The following TAF4B variants were observed in gnomAD, a reference collection of about 807,000 sequenced individuals.
The protein encoded by TAF4B is TATA-box binding protein associated factor 4b.
In TAF4B, 38 loss-of-function variants were observed where a neutral mutation model predicts 86.4. That is an observed-to-expected ratio of 0.44 (90% confidence interval 0.34 to 0.58). The LOEUF is 0.58. TAF4B is among the 20% of genes least tolerant of loss of function. The probability of loss-of-function intolerance (pLI) is 0.02; values close to 1 mark genes in which losing one functional copy is unlikely to be tolerated. For synonymous variants in TAF4B, 388 were observed against 391.2 expected, an observed-to-expected ratio of 0.99 and a Z score of 0.10; for missense variants, 988 against 1,027.6, an observed-to-expected ratio of 0.96 and a Z score of 0.53.
At chr18:26,232,003 CAGAGCGCTGATTGGTGCATTTTAT>C (rs915739550) in intron 1 of TAF4B, among the ~76,000 whole-genome samples, 4 of 152,086 alleles carry the variant, frequency 2.6e-5, no homozygotes, top group Admixed American at 1.3e-4. Flanking sequence ...GTGCATTTTA[CAGAGCGCTGATTGGTGCATTTTAT>C]AGAGCGCTGA....
At chr18:26,351,664 A>G (rs954490239) in intron 13 of TAF4B, among the ~76,000 whole-genome samples, 7 of 152,216 alleles carry the variant, frequency 4.6e-5, no homozygotes, top group East Asian at 1.9e-4. Flanking sequence ...ATAATCAGTT[A>G]TAGTTTTAAA....
intron 1 of TAF4B, among the ~76,000 whole-genome samples, chr18:26,243,572 C>T (rs1009654938): frequency 6.6e-6 from 1 of 152,196 alleles, no homozygotes; most frequent in African/African-American, 2.4e-5. Flanking sequence ...TCGTCTGAAG[C>T]CTTCTTCTCT....
chr18:26,352,473 C>G (rs529153075), intron 13 of TAF4B, among the ~76,000 whole-genome samples: 2 of 151,988 alleles, frequency 1.3e-5, no homozygotes, highest in Admixed American at 1.3e-4. Flanking sequence ...GAAAAAAGTT[C>G]CCAGAAGCTG....
At chr18:26,377,608 T>C (rs1244730261) in intron 14 of TAF4B, among the ~76,000 whole-genome samples, 1 of 152,248 alleles carries the variant, frequency 6.6e-6, no homozygotes, top group Non-Finnish European at 1.5e-5. Flanking sequence ...CAAGGAGATT[T>C]AGTTGTTTGC....
intron 14 of TAF4B, among the ~76,000 whole-genome samples, chr18:26,382,333 T>C (rs2144386854): frequency 6.6e-6 from 1 of 152,338 alleles, no homozygotes; most frequent in East Asian, 1.9e-4. Flanking sequence ...GACATGAGGT[T>C]GTCAGCTTGG....
intron 13 of TAF4B, among the ~76,000 whole-genome samples, chr18:26,347,673 C>T (rs185361209): frequency 5.9e-5 from 9 of 152,138 alleles, no homozygotes; most frequent in East Asian, 3.9e-4. Context: ...TGTATACTGC[C>T]GACAGTAAAT....
chr18:26,239,507 A>G (rs575419791), intron 1 of TAF4B, among the ~76,000 whole-genome samples: 1 of 152,198 alleles, frequency 6.6e-6, no homozygotes, highest in African/African-American at 2.4e-5. Context: ...AGATGGGTAG[A>G]TTGTAAAAAT....
chr18:26,350,140 T>C (rs2057233009), intron 13 of TAF4B, among the ~76,000 whole-genome samples: 1 of 152,110 alleles, frequency 6.6e-6, no homozygotes, highest in Non-Finnish European at 1.5e-5. Context: ...AGGACATACT[T>C]TATGTCAGGA....
At chr18:26,311,507 G>A (rs925443082) in intron 9 of TAF4B, among the ~76,000 whole-genome samples, 3 of 152,092 alleles carry the variant, frequency 2.0e-5, no homozygotes, top group African/African-American at 7.2e-5. Flanking sequence ...GCGTGGTGGT[G>A]CTACTCAGGA....
intron 1 of TAF4B, among the ~76,000 whole-genome samples, chr18:26,243,770 T>C (rs1422846023): frequency 6.6e-6 from 1 of 152,242 alleles, no homozygotes; most frequent in East Asian, 1.9e-4. Context: ...GGTTTTGGTG[T>C]GGGTGTCCTT....
intron 13 of TAF4B, among the ~76,000 whole-genome samples, chr18:26,355,973 G>A (rs1272410873): frequency 6.6e-6 from 1 of 152,212 alleles, no homozygotes; most frequent in South Asian, 2.1e-4. Context: ...TATAATTTGT[G>A]AAGCAAGTGG....
chr18:26,280,784 C>T (rs1315208434), intron 5 of TAF4B, among the ~76,000 whole-genome samples: 6 of 152,174 alleles, frequency 3.9e-5, no homozygotes, highest in African/African-American at 1.4e-4. Flanking sequence ...TTTGACCCAG[C>T]AGTGCCATTA....
chr18:26,387,038 A>G (rs895008746), intron 14 of TAF4B, among the ~76,000 whole-genome samples: 1 of 152,188 alleles, frequency 6.6e-6, no homozygotes, highest in African/African-American at 2.4e-5. Flanking sequence ...TTATGGCTAA[A>G]GAAATTGCCT....
At chr18:26,245,678 C>T (rs1036913655) in intron 1 of TAF4B, among the ~76,000 whole-genome samples, 1 of 152,126 alleles carries the variant, frequency 6.6e-6, no homozygotes, top group Non-Finnish European at 1.5e-5. Flanking sequence ...TTGCTGTCTG[C>T]AGAGTGCTGA....
intron 1 of TAF4B, among the ~76,000 whole-genome samples, chr18:26,231,034 C>CTTTTTTTTTTGTTTT (rs2055658249): frequency 1.5e-5 from 1 of 66,164 alleles, no homozygotes; most frequent in African/African-American, 5.8e-5. Flanking sequence ...TGTTGTTTTG[C>CTTTTTTTTTTGTTTT]TTTTTTTTTT....
intron 14 of TAF4B, among the ~76,000 whole-genome samples, chr18:26,374,498 A>G (rs2057429361): frequency 6.6e-6 from 1 of 152,186 alleles, no homozygotes; most frequent in Non-Finnish European, 1.5e-5. Flanking sequence ...TGACTATGAG[A>G]AGCATGAATT....
intron 8 of TAF4B, 152 bp downstream of exon 8, chr18:26,292,533 C>G (rs1360687860): frequency 1.2e-6 from 1 of 858,702 alleles, no homozygotes; most frequent in African/African-American, 1.7e-5. Flanking sequence ...CGTTAGATTT[C>G]TCTCCCCAGA....
intron 1 of TAF4B, among the ~76,000 whole-genome samples, chr18:26,230,883 A>G (rs2055654832): frequency 6.6e-6 from 1 of 152,098 alleles, no homozygotes; most frequent in Admixed American, 6.5e-5. Flanking sequence ...GCAGCCCCTA[A>G]GGGATTCTGA....
chr18:26,364,302 G>C lies in TAF4B; in HGVS notation c.2421+6508G>C, dbSNP rs2057353776. On this transcript the variant is annotated intron_variant, in intron 14 of 14. Coordinates refer to ENST00000269142, the MANE Select transcript of TAF4B (RefSeq NM_005640.3). ...TGGGTCGCAGGAGGGTGGAAAAATA[G>C]TTAAAATGTACTATTTGGGAGTACT... Among the ~76,000 whole-genome samples, 4 of 152,160 alleles carry C rather than the reference G, an allele frequency of 2.6e-5. No individual in the cohort carries two copies. In the South Asian group the frequency reaches 8.3e-4, roughly 32 times the overall value.
Sources: gnomAD v4.1 joint callset for allele counts (sites outside exome capture counted in the v4.1 genomes callset) on GRCh38, gnomAD v4.1.1 for gene constraint, MANE v1.5 for transcripts, NCBI Gene and HGNC (gene_info 2026-07-23, HGNC 2026-07-21) for gene names.